The following NTRK3 variants were observed in gnomAD, a reference collection of about 807,000 sequenced individuals.
NTRK3 encodes neurotrophic receptor tyrosine kinase 3.
NTRK3 carries 24 observed loss-of-function variants against 91.7 expected under a neutral mutation model. The observed-to-expected ratio is 0.26, with a 90% CI of 0.19 to 0.37. NTRK3 has a LOEUF of 0.37. NTRK3 is among the 10% of genes least tolerant of loss of function. The pLI is 1.00. For missense variants in NTRK3, 880 were observed against 1,068.9 expected (o/e 0.82, Z 2.46); for synonymous variants, 483 against 404.0 (o/e 1.20, Z -2.34).
rs577499524 is a variant in NTRK3, at chr15:88,202,073, G to T, written c.249-17774C>A. 3.3e-5 allele frequency among the ~76,000 whole-genome samples: 5 copies of T among 152,114 alleles called. No individual in the cohort carries two copies. In the South Asian group the frequency reaches 1.0e-3, roughly 32 times the overall value. ...CTATTTTCCTCTGAAGAAGGTCAGG[G>T]TTCCACAGATTAGGACCCCCAAACA... On this transcript the variant is annotated intron_variant, in intron 3 of 18. Transcript: ENST00000394480.
chr15:88,075,825 T>C (rs1169341128), intron 13 of NTRK3, among the ~76,000 whole-genome samples: 1 of 152,224 alleles, frequency 6.6e-6, no homozygotes, highest in East Asian at 1.9e-4. Context: ...CCAATTCTAC[T>C]ACTTGCTGAC....
rs1014453047 is a variant in NTRK3 at position 88,254,470 on chromosome 15, G to C, written c.248+1436C>G. ...CAGAGCTGAGATATGGGTCAAGCTT[G>C]TCTCCTGGGCCAGGAGTCAGAGACA... On this transcript the variant is annotated intron_variant, in intron 3 of 18. Transcript: ENST00000394480. Among the ~76,000 whole-genome samples the C allele has an allele frequency of 3.9e-5, 6 of 152,168 alleles. No individual in the cohort carries two copies. The South Asian group carries it at 1.2e-3, about 32-fold the overall frequency.
At chr15:87,986,436 C>T (rs1422485872) in intron 14 of NTRK3, among the ~76,000 whole-genome samples, 1 of 152,218 alleles carries the variant, frequency 6.6e-6, no homozygotes, top group Non-Finnish European at 1.5e-5. Flanking sequence ...TTCTCCTCTA[C>T]CCCATCACCA....
intron 13 of NTRK3, among the ~76,000 whole-genome samples, chr15:88,107,862 T>C (rs912265039): frequency 6.6e-6 from 1 of 152,036 alleles, no homozygotes; most frequent in African/African-American, 2.4e-5. Flanking sequence ...AAGTGGTCAC[T>C]ACCTGGGCAT....
intron 13 of NTRK3, among the ~76,000 whole-genome samples, chr15:88,096,362 A>G (rs1397522658): frequency 2.0e-5 from 3 of 152,114 alleles, no homozygotes; most frequent in Non-Finnish European, 4.4e-5. Flanking sequence ...GGACTGAATC[A>G]CCCACGATGA....
intron 3 of NTRK3, among the ~76,000 whole-genome samples, chr15:88,202,112 A>G (rs544767505): frequency 2.0e-5 from 3 of 152,258 alleles, no homozygotes; most frequent in Non-Finnish European, 2.9e-5. Context: ...GTTAATAGCC[A>G]TTCTCCAGCT....
intron 13 of NTRK3, among the ~76,000 whole-genome samples, chr15:88,037,095 C>A (rs1179865485): frequency 6.6e-6 from 1 of 152,086 alleles, no homozygotes; most frequent in East Asian, 1.9e-4. Flanking sequence ...GACTCCCAAG[C>A]CACAGGAAGG....
intron 14 of NTRK3, among the ~76,000 whole-genome samples, chr15:87,943,629 C>T (rs965807223): frequency 5.3e-5 from 8 of 152,148 alleles, no homozygotes; most frequent in Admixed American, 2.0e-4. Flanking sequence ...GAACCAGACT[C>T]TGTTTTTCAG....
At chr15:87,912,141 T>C (rs952665124) in intron 17 of NTRK3, among the ~76,000 whole-genome samples, 1 of 152,188 alleles carries the variant, frequency 6.6e-6, no homozygotes, top group South Asian at 2.1e-4. Context: ...TAAGATTACA[T>C]TGGAGAGCCG....
intron 13 of NTRK3, among the ~76,000 whole-genome samples, chr15:88,060,153 G>C (rs1250116600): frequency 6.6e-6 from 1 of 152,120 alleles, no homozygotes; most frequent in East Asian, 1.9e-4. Context: ...GGCCAAGGCA[G>C]GAAGATTACT....
At chr15:88,215,307 G>T (rs981037508) in intron 3 of NTRK3, among the ~76,000 whole-genome samples, 3 of 152,236 alleles carry the variant, frequency 2.0e-5, no homozygotes, top group South Asian at 2.1e-4. Flanking sequence ...CACCCGGGAT[G>T]GACCTAAGCA....
chr15:88,184,837 A>T (rs1372239403), intron 3 of NTRK3, among the ~76,000 whole-genome samples: 1 of 152,190 alleles, frequency 6.6e-6, no homozygotes, highest in Admixed American at 6.5e-5. Flanking sequence ...CCTTTGGGTG[A>T]CCCACAGCCC....
At chr15:88,075,063 C>A (rs1260270339) in intron 13 of NTRK3, among the ~76,000 whole-genome samples, 1 of 152,194 alleles carries the variant, frequency 6.6e-6, no homozygotes, top group African/African-American at 2.4e-5. Flanking sequence ...AGGCACCTCA[C>A]ATTTCCACCT....
intron 14 of NTRK3, among the ~76,000 whole-genome samples, chr15:87,960,910 A>G (rs2072216674): frequency 6.6e-6 from 1 of 152,028 alleles, no homozygotes; most frequent in Non-Finnish European, 1.5e-5. Flanking sequence ...TCTGCTTCCC[A>G]ATCATTTCTC....
chr15:87,885,720 C>T, intron 17 of NTRK3: 1 of 1,369,446 alleles, frequency 7.3e-7, no homozygotes, highest in South Asian at 1.7e-5. Flanking sequence ...AAATCATTTC[C>T]AGATGGATTA....
chr15:88,238,927 C>A (rs1476911068), intron 3 of NTRK3, among the ~76,000 whole-genome samples: 1 of 152,220 alleles, frequency 6.6e-6, no homozygotes, highest in East Asian at 1.9e-4. Flanking sequence ...TGGCCTTAGA[C>A]AAGCTCTTGC....
chr15:88,223,002 G>A (rs1485274115), intron 3 of NTRK3, among the ~76,000 whole-genome samples: 1 of 152,212 alleles, frequency 6.6e-6, no homozygotes, highest in Non-Finnish European at 1.5e-5. Flanking sequence ...CAAGAAGTGG[G>A]GAGAGGAGGG....
exon 19 of NTRK3, chr15:87,872,136 A>G: frequency 4.5e-6 from 1 of 221,276 alleles, no homozygotes; most frequent in Non-Finnish European, 9.0e-6. Flanking sequence ...AAAGCAGACA[A>G]TAGACATCTC....
intron 13 of NTRK3, among the ~76,000 whole-genome samples, chr15:88,083,511 C>T (rs1262347263): frequency 3.9e-5 from 6 of 152,088 alleles, no homozygotes; most frequent in African/African-American, 7.2e-5. Flanking sequence ...CATGAGCCAC[C>T]GCGCCCGGCC....
Sources: allele counts gnomAD v4.1 joint callset (sites outside exome capture counted in the v4.1 genomes callset), GRCh38; gene constraint gnomAD v4.1.1; transcripts MANE v1.5; gene names NCBI Gene and HGNC (gene_info 2026-07-23, HGNC 2026-07-21).